Variants in IL22RA1 observed in about 807,000 individuals in gnomAD.
IL22RA1 encodes interleukin-22 receptor subunit alpha-1.
In IL22RA1, 25 loss-of-function variants were observed where a neutral mutation model predicts 32.8. The observed-to-expected ratio is 0.76, with a 90% CI of 0.55 to 1.06. The LOEUF (loss-of-function observed/expected upper bound fraction) is 1.06, where lower values mean the gene tolerates loss of function less well. Among genes scored for constraint, IL22RA1 ranks in the 50% least tolerant of loss-of-function variants. The pLI is 0.00. For missense variants in IL22RA1, 709 were observed against 727.4 expected (o/e 0.97, Z 0.29); for synonymous variants, 305 against 305.0 (o/e 1.00, Z 0.00).
At chr1:24,127,190 C>CA (rs1319012688) in intron 5 of IL22RA1, among the ~76,000 whole-genome samples, 10 of 151,820 alleles carry the variant, frequency 6.6e-5, no homozygotes, top group African/African-American at 2.2e-4. Context: ...GTCTCAAAAA[C>CA]AAAAAACAAT....
chr1:24,131,785 G>T (rs563980849), intron 4 of IL22RA1, among the ~76,000 whole-genome samples: 1 of 151,888 alleles, frequency 6.6e-6, no homozygotes, highest in Non-Finnish European at 1.5e-5. Flanking sequence ...TATTTATAGC[G>T]CACTCCACCA....
At position 24,140,634 on chromosome 1, in the gene IL22RA1, C is replaced by A. The variant is rs370591545; in HGVS notation, c.44-1920G>T. Among the ~76,000 whole-genome samples the A allele has an allele frequency of 2.7e-4, 41 of 152,208 alleles. No individual in the cohort carries two copies. In the East Asian group the frequency reaches 3.1e-3, roughly 12 times the overall value. On this transcript the variant is annotated intron_variant, in intron 1 of 6. Transcript: ENST00000270800. ...CAAGGAAGGGGCTGGGGAGGGGCTG[C>A]AGCCTCTAAAGCAATCTGCACTGTA... is the stretch of plus-strand genomic sequence containing the variant.
intron 5 of IL22RA1, among the ~76,000 whole-genome samples, chr1:24,125,558 G>T (rs989489761): frequency 1.3e-5 from 2 of 152,162 alleles, no homozygotes; most frequent in Admixed American, 6.5e-5. Flanking sequence ...ATGGAAGTAG[G>T]AGGAAGAAGT....
intron 1 of IL22RA1, among the ~76,000 whole-genome samples, chr1:24,140,162 C>T (rs1053414973): frequency 5.3e-5 from 8 of 152,268 alleles, no homozygotes; most frequent in East Asian, 1.9e-4. Context: ...CTCACGACAA[C>T]GTGCCCACTA....
At chr1:24,140,390 G>C (rs1248920618) in intron 1 of IL22RA1, among the ~76,000 whole-genome samples, 2 of 152,306 alleles carry the variant, frequency 1.3e-5, no homozygotes, top group Admixed American at 6.5e-5. Flanking sequence ...GAAGACATTC[G>C]CTCTGTAGGG....
chr1:24,139,092 T>C (rs559146935), intron 1 of IL22RA1, among the ~76,000 whole-genome samples: 206 of 152,218 alleles, frequency 1.4e-3, no homozygotes, highest in Non-Finnish European at 2.4e-3. Context: ...AAAAAGAAAC[T>C]GCATGCCCAT....
Position 24,121,124 on chromosome 1 carries a change from C to G in IL22RA1, c.1406G>C (p.Gly469Ala), listed in dbSNP as rs1337567134. ...GTCAGATGTTCTGTCTGTGCAAATC[C>G]CCAGGGGCTGGTGCAATGATTTTGC... ...QEAKSLHQPL[G>A]ICTDRTSDPN... Residue 469 changes from glycine (G) to alanine (A), a missense_variant, in exon 7 of 7, where the codon GGG becomes GCG. By Grantham distance (60) the Gly-to-Ala change is moderately conservative (BLOSUM62 0). Coordinates refer to ENST00000270800, the MANE Select transcript of IL22RA1 (RefSeq NM_021258.4). The G allele has an allele frequency of 1.2e-6, 2 of 1,614,200 alleles. No homozygotes were observed. Among genetic ancestry groups the G allele is most frequent in the South Asian group, 2.2e-5 (2 of 91,090 alleles).
At chr1:24,122,668 C>CAT (rs1644133333) in intron 6 of IL22RA1, among the ~76,000 whole-genome samples, 2 of 151,834 alleles carry the variant, frequency 1.3e-5, no homozygotes, top group Admixed American at 1.3e-4. Flanking sequence ...GGTGGTGGTG[C>CAT]ATGCCTGTAA....
chr1:24,131,601 T>C (rs923365679), intron 4 of IL22RA1, among the ~76,000 whole-genome samples: 1 of 151,836 alleles, frequency 6.6e-6, no homozygotes, highest in Admixed American at 6.6e-5. Context: ...AATAACTGAG[T>C]TTCAAAATGC....
rs142012185 is a variant in IL22RA1 at position 24,121,004 on chromosome 1, A to T, written c.1526T>A (p.Met509Lys). The change falls in exon 7 of 7, where the codon ATG becomes AAG. Residue 509 changes from methionine (M) to lysine (K), a missense_variant. Coordinates refer to ENST00000270800, the MANE Select transcript of IL22RA1 (RefSeq NM_021258.4). Reference sequence around the variant, plus strand: ...GGAAGGAGGTTGCAAAGGGAGGGACATGGGGTGGCCCTCGATCTGGACTGA... The same window carrying T: ...GGAAGGAGGTTGCAAAGGGAGGGACTTGGGGTGGCCCTCGATCTGGACTGA... ...LSSVQIEGHP[M>K]SLPLQPPSRP... 295 of 1,613,960 alleles carry T rather than the reference A, an allele frequency of 1.8e-4. No homozygotes were observed. Among genetic ancestry groups the T allele is most frequent in the Non-Finnish European group, 2.4e-4 (279 of 1,179,946 alleles).
At position 24,125,451 on chromosome 1, in the gene IL22RA1, C is replaced by T. The variant is rs111727635; in HGVS notation, c.671-2028G>A. Among the ~76,000 whole-genome samples, 914 of 152,302 alleles carry T rather than the reference C, an allele frequency of 6.0e-3. 7 individuals are homozygous for T. Among genetic ancestry groups the T allele is most frequent in the African/African-American group, 0.019 (783 of 41,554 alleles). On this transcript the variant is annotated intron_variant, in intron 5 of 6. Transcript: ENST00000270800. ...AAGATGCTGGGACAATGCTCTGTGA[C>T]CCTCCCTGTTTATCTACGGAGAGGT...
Position 24,121,398 on chromosome 1 carries a change from C to G in IL22RA1, c.1132G>C (p.Ala378Pro). Residue 378 changes from alanine (A) to proline (P), a missense_variant, in exon 7 of 7, where the codon GCC (alanine) becomes CCC (proline). Transcript: ENST00000270800. Reference sequence around the variant, plus strand: ...TGGACCTTAGAGATGGCCTGTGGGGCGTAGAATGGGAATTGAGCTTCGGGG... The same window carrying G: ...TGGACCTTAGAGATGGCCTGTGGGGGGTAGAATGGGAATTGAGCTTCGGGG... ...VTPEAQFPFY[A>P]PQAISKVQPS... 1 of 1,556,172 alleles carries G rather than the reference C, an allele frequency of 6.4e-7. No individual in the cohort carries two copies. Among genetic ancestry groups the G allele is most frequent in the Non-Finnish European group, 8.7e-7 (1 of 1,149,976 alleles).
Position 24,121,451 on chromosome 1 carries a change from C to T in IL22RA1, c.1079G>A (p.Gly360Glu). 1 of 1,545,028 alleles carries T rather than the reference C, an allele frequency of 6.5e-7. No homozygotes were observed. The highest frequency in any genetic ancestry group is 8.7e-7 in the Non-Finnish European group (1 of 1,143,424). ...CACCTGAGGTGCATAGGATGGGGGC[C>T]CGACCTCAGGGGCAGCGTTTGGGGC... ...SYAPNAAPEV[G>E]PPSYAPQVTP... is the part of the protein sequence containing the mutation. Residue 360 changes from glycine to glutamate, a missense_variant, in exon 7 of 7, where the codon GGG (glycine) becomes GAG (glutamate). Transcript: ENST00000270800.
At chr1:24,135,373 A>G (rs1393176315) in intron 3 of IL22RA1, among the ~76,000 whole-genome samples, 2 of 152,238 alleles carry the variant, frequency 1.3e-5, no homozygotes, top group Admixed American at 6.5e-5. Flanking sequence ...GTATATTTCT[A>G]TATTTCACAC....
chr1:24,124,693 G>C (rs923094210), intron 5 of IL22RA1, among the ~76,000 whole-genome samples: 2 of 151,970 alleles, frequency 1.3e-5, no homozygotes, highest in African/African-American at 4.8e-5. Context: ...TGAACTCCGG[G>C]TACTGCTGGA....
intron 5 of IL22RA1, among the ~76,000 whole-genome samples, chr1:24,125,503 C>CAGACGTCAGGAT (rs143697975): frequency 0.033 from 5,095 of 152,194 alleles, 102 homozygotes; most frequent in Middle Eastern, 0.065. Context: ...GAGGGTAATG[C>CAGACGTCAGGAT]AGACGTCAGG....
At position 24,121,443 on chromosome 1, in the gene IL22RA1, A is replaced by G; in HGVS notation, c.1087T>C (p.Ser363Pro). Reference protein sequence around the residue: ...PNAAPEVGPPSYAPQVTPEAQ... With the variant: ...PNAAPEVGPPPYAPQVTPEAQ... Reference sequence around the variant, plus strand: ...TCGGGGGTCACCTGAGGTGCATAGGATGGGGGCCCGACCTCAGGGGCAGCG... The same window carrying G: ...TCGGGGGTCACCTGAGGTGCATAGGGTGGGGGCCCGACCTCAGGGGCAGCG... The change falls in exon 7 of 7, where the codon TCC (serine) becomes CCC (proline). Residue 363 changes from serine to proline, a missense_variant. Ser to Pro is a moderately conservative substitution (Grantham distance 74, BLOSUM62 -1). Transcript: ENST00000270800. 1 of 1,546,848 alleles carries G rather than the reference A, an allele frequency of 6.5e-7. No individual in the cohort carries two copies. The highest frequency in any genetic ancestry group is 2.3e-5 in the East Asian group (1 of 44,138).
At chr1:24,134,142 A>C in intron 4 of IL22RA1, 69 bp downstream of exon 4, 1 of 1,362,700 alleles carries the variant, frequency 7.3e-7, no homozygotes, top group Non-Finnish European at 1.0e-6. Context: ...TTCTTAAAGC[A>C]ACTCAGATCT....
chr1:24,131,400 A>G (rs1644203909), intron 4 of IL22RA1, among the ~76,000 whole-genome samples: 1 of 152,240 alleles, frequency 6.6e-6, no homozygotes, highest in African/African-American at 2.4e-5. Flanking sequence ...AAATATAATA[A>G]CAGAGGCAGA....
Sources: allele counts gnomAD v4.1 joint callset (sites outside exome capture counted in the v4.1 genomes callset), GRCh38; gene constraint gnomAD v4.1.1; transcripts MANE v1.5; gene names NCBI Gene and HGNC (gene_info 2026-07-23, HGNC 2026-07-21).